Variants in RYR2 observed in about 807,000 individuals in gnomAD.
The protein encoded by RYR2 is cardiac muscle ryanodine receptor-calcium release channel.
Under a neutral mutation model 601.1 loss-of-function variants are expected in RYR2, and 227 were observed. The ratio of observed to expected loss-of-function variants is 0.38; its 90% CI spans 0.34 to 0.42. The LOEUF (loss-of-function observed/expected upper bound fraction) is 0.42. RYR2 is among the 10% of genes least tolerant of loss of function. The pLI, the probability that RYR2 is intolerant of heterozygous loss-of-function variation, is 1.00. For missense variants in RYR2, 4,646 were observed against 6,156.5 expected (o/e 0.75, Z 8.21); for synonymous variants, 2,223 against 2,175.1 (o/e 1.02, Z -0.61).
At chr1:237,770,440 C>A (rs962677720) in intron 84 of RYR2, among the ~76,000 whole-genome samples, 1 of 152,048 alleles carries the variant, frequency 6.6e-6, no homozygotes, top group African/African-American at 2.4e-5. Flanking sequence ...AAATTTAACA[C>A]GTGTGAGAGA....
At chr1:237,476,466 C>T (rs778767608) in intron 17 of RYR2, among the ~76,000 whole-genome samples, 20 of 128,962 alleles carry the variant, frequency 1.6e-4, no homozygotes, top group South Asian at 2.5e-4. Flanking sequence ...GCCAAGATTG[C>T]GCCACTGCAC....
At chr1:237,726,365 G>T in intron 75 of RYR2, 57 bp downstream of exon 75, 2 of 1,122,914 alleles carry the variant, frequency 1.8e-6, no homozygotes, top group Non-Finnish European at 2.6e-6. Flanking sequence ...TTATATGTTG[G>T]GATTTTTTCT....
chr1:237,561,735 G>T (rs1257822290), intron 27 of RYR2, among the ~76,000 whole-genome samples: 1 of 152,152 alleles, frequency 6.6e-6, no homozygotes, highest in Non-Finnish European at 1.5e-5. Context: ...CCAGCCCCAG[G>T]AAGTTTTAAA....
chr1:237,609,326 G>T (rs1204269335), intron 35 of RYR2, among the ~76,000 whole-genome samples: 2 of 128,888 alleles, frequency 1.6e-5, no homozygotes, highest in South Asian at 2.6e-4. Flanking sequence ...CTCTCTCCTT[G>T]CTTCCCTCCC....
At chr1:237,716,290 TG>T (rs1689258664) in intron 71 of RYR2, among the ~76,000 whole-genome samples, 1 of 152,174 alleles carries the variant, frequency 6.6e-6, no homozygotes, top group Admixed American at 6.5e-5. Context: ...AATTCTATTA[TG>T]TTTTTTCTCA....
In RYR2 at chr1:237,266,438, T is replaced by C. The variant is rs369562755; in HGVS notation, c.49-4059T>C. Among the ~76,000 whole-genome samples the C allele has an allele frequency of 6.6e-5, 10 of 152,238 alleles. No individual in the cohort carries two copies. The South Asian group carries it at 1.9e-3, about 28-fold the overall frequency. On this transcript the variant is annotated intron_variant, in intron 1 of 104. Coordinates refer to ENST00000366574, the MANE Select transcript of RYR2 (RefSeq NM_001035.3). The stretch of plus-strand genomic sequence containing the variant: ...TGTTACCTACCAGATGTATTACATA[T>C]GGATAATCATAAATAGAAAACATTA...
chr1:237,685,019 G>C lies in RYR2; in HGVS notation c.9018-2436G>C, dbSNP rs184199196. 5.6e-4 allele frequency among the ~76,000 whole-genome samples: 85 copies of C among 152,046 alleles called. 1 individual carries two copies. Among genetic ancestry groups the C allele is most frequent in the African/African-American group, 2.0e-3 (81 of 41,492 alleles). ...TAAACAATGCCAAGTACTGTTGACA[G>C]AACTCCAAAAAAGAAAAGGTTATTA... On this transcript the variant is annotated intron_variant, in intron 62 of 104. Coordinates refer to ENST00000366574, the MANE Select transcript of RYR2 (RefSeq NM_001035.3).
Position 237,832,627 on chromosome 1 carries a change from T to A in RYR2, c.14884T>A (p.Tyr4962Asn), listed in dbSNP as rs748937501. The A allele has an allele frequency of 2.2e-5, 35 of 1,610,388 alleles. No individual in the cohort carries two copies. The highest frequency in any genetic ancestry group is 2.8e-5 in the Non-Finnish European group (33 of 1,177,302). The change falls in exon 105 of 105, where the codon TAT becomes AAT. Residue 4962 changes from tyrosine (Y) to asparagine (N), a missense_variant. Around this residue, in one of 17 missense-constraint regions of RYR2, gnomAD observed 55 missense variants for 204.7 expected, o/e 0.27. Coordinates refer to ENST00000366574, the MANE Select transcript of RYR2 (RefSeq NM_001035.3). ...FPAGDCFRKQ[Y>N]EDQLN is the part of the protein sequence containing the mutation. ...AGCAGGGGATTGCTTCCGGAAACAG[T>A]ATGAAGACCAGCTAAATTAAACTCA...
chr1:237,172,474 A>G lies in RYR2; in HGVS notation c.49-98023A>G, dbSNP rs186077822. ...AAAAGCTGATAATTTAAAAACGGCT[A>G]TTTTTGATCTTAAATACCTGTTTGA... On this transcript the variant is annotated intron_variant, in intron 1 of 104. Transcript: ENST00000366574. Among the ~76,000 whole-genome samples the G allele has an allele frequency of 3.3e-5, 5 of 152,002 alleles. No homozygotes were observed. In the East Asian group the frequency reaches 9.7e-4, roughly 29 times the overall value.
chr1:237,048,920 A>C (rs892031047), intron 1 of RYR2, among the ~76,000 whole-genome samples: 7 of 152,232 alleles, frequency 4.6e-5, no homozygotes, highest in Non-Finnish European at 1.0e-4. Context: ...TGCAGAAAGA[A>C]GGAACCTGCT....
At chr1:237,826,367 G>T (rs1239758455) in intron 101 of RYR2, among the ~76,000 whole-genome samples, 1 of 152,134 alleles carries the variant, frequency 6.6e-6, no homozygotes, top group Non-Finnish European at 1.5e-5. Flanking sequence ...CCTTTGCAGG[G>T]ACGTGGATGA....
At chr1:237,110,285 T>A (rs191238386) in intron 1 of RYR2, among the ~76,000 whole-genome samples, 2,004 of 151,884 alleles carry the variant, frequency 0.013, 25 homozygotes, top group South Asian at 0.044. Context: ...TTTCTTTTTT[T>A]AAAAGTTTTA....
chr1:237,333,147 G>T lies in RYR2; in HGVS notation c.273+2165G>T, dbSNP rs6662392. 8.1e-3 allele frequency among the ~76,000 whole-genome samples: 1,237 copies of T among 152,260 alleles called. 11 individuals are homozygous for T. Among genetic ancestry groups the T allele is most frequent in the Admixed American group, 0.012 (181 of 15,296 alleles). ...TGTGTTGAACACTATTTTATAAAGC[G>T]CAGTATAGTTACCATAAGACATGAA... On this transcript the variant is annotated intron_variant, in intron 3 of 104. Transcript: ENST00000366574.
intron 62 of RYR2, among the ~76,000 whole-genome samples, chr1:237,685,920 C>G (rs569810020): frequency 6.6e-6 from 1 of 152,264 alleles, no homozygotes; most frequent in East Asian, 1.9e-4. Flanking sequence ...TCTTGGAAAA[C>G]TACAAAATAC....
intron 38 of RYR2, 48 bp downstream of exon 38, chr1:237,617,534 C>T: frequency 1.9e-6 from 3 of 1,564,126 alleles, no homozygotes; most frequent in Non-Finnish European, 2.6e-6. Flanking sequence ...GGCTTTTAGT[C>T]ATTCAGGATC....
At chr1:237,656,048 T>C in intron 53 of RYR2, 64 bp downstream of exon 53, 1 of 1,529,216 alleles carries the variant, frequency 6.5e-7, no homozygotes. Context: ...TGAAATTGAA[T>C]AAGGTACTAA....
intron 80 of RYR2, among the ~76,000 whole-genome samples, chr1:237,746,242 G>T (rs1230446790): frequency 6.6e-6 from 1 of 152,084 alleles, no homozygotes; most frequent in Admixed American, 6.5e-5. Context: ...AAGGCTACTT[G>T]TCAGTTTCAA....
At chr1:237,128,262 C>T (rs1208945661) in intron 1 of RYR2, among the ~76,000 whole-genome samples, 1 of 152,208 alleles carries the variant, frequency 6.6e-6, no homozygotes, top group Non-Finnish European at 1.5e-5. Context: ...CGATCGCAGG[C>T]ACTCGGCAGG....
At chr1:237,556,492 G>A (rs1382125575) in intron 27 of RYR2, among the ~76,000 whole-genome samples, 1 of 137,204 alleles carries the variant, frequency 7.3e-6, no homozygotes, top group Non-Finnish European at 1.6e-5. Context: ...TGTATTTTTA[G>A]TAGAGGCGGG....
Sources: allele counts gnomAD v4.1 joint callset (sites outside exome capture counted in the v4.1 genomes callset), GRCh38; gene constraint gnomAD v4.1.1; regional missense constraint gnomAD v4.1.1; transcripts MANE v1.5; gene names NCBI Gene and HGNC (gene_info 2026-07-23, HGNC 2026-07-21).